NRF1: variants seen among roughly 807,000 people sequenced by gnomAD.
NRF1 encodes alpha palindromic-binding protein.
In NRF1, 5 loss-of-function variants were observed where a neutral mutation model predicts 58.5. The observed-to-expected ratio is 0.09, with a 90% CI of 0.04 to 0.18. The LOEUF is 0.18. Ranked by LOEUF, NRF1 falls within the 10% of genes least tolerant of loss-of-function variation. NRF1 has a pLI of 1.00. For synonymous variants in NRF1, 224 were observed against 246.7 expected (o/e 0.91, Z 0.86); for missense variants, 288 against 657.7 (o/e 0.44, Z 6.15).
intron 5 of NRF1, among the ~76,000 whole-genome samples, chr7:129,696,484 T>C (rs1341786140): frequency 6.6e-6 from 1 of 152,188 alleles, no homozygotes; most frequent in Non-Finnish European, 1.5e-5. Flanking sequence ...TCTTATTTTA[T>C]AGTCAAGGAA....
intron 10 of NRF1, 41 bp from the exon 11 acceptor site, chr7:129,754,977 G>C: frequency 1.3e-6 from 2 of 1,508,058 alleles, no homozygotes; most frequent in Non-Finnish European, 1.8e-6. Context: ...CTGGGAACTT[G>C]AGCCTGAGCC....
chr7:129,749,723 A>G (rs1009915698), intron 10 of NRF1, among the ~76,000 whole-genome samples: 1 of 152,044 alleles, frequency 6.6e-6, no homozygotes, highest in African/African-American at 2.4e-5. Context: ...ACATTCTAAT[A>G]TATGGAAAAA....
intron 1 of NRF1, among the ~76,000 whole-genome samples, chr7:129,618,444 C>A (rs1319528299): frequency 6.6e-6 from 1 of 152,186 alleles, no homozygotes; most frequent in East Asian, 1.9e-4. Flanking sequence ...ACCTGTAATC[C>A]TAACACTTTA....
chr7:129,678,107 G>C (rs2151086690), intron 4 of NRF1, among the ~76,000 whole-genome samples: 1 of 152,218 alleles, frequency 6.6e-6, no homozygotes, highest in East Asian at 1.9e-4. Flanking sequence ...ATTCCAAGGT[G>C]TCAACTTCCT....
intron 1 of NRF1, among the ~76,000 whole-genome samples, chr7:129,614,010 T>C (rs913277879): frequency 7.9e-5 from 12 of 152,214 alleles, no homozygotes; most frequent in African/African-American, 2.7e-4. Flanking sequence ...AAACTCGACA[T>C]ATAGGAGGGA....
chr7:129,753,124 A>ATCT (rs752318609), intron 10 of NRF1, among the ~76,000 whole-genome samples: 26 of 91,488 alleles, frequency 2.8e-4, no homozygotes, highest in Admixed American at 1.2e-3. Context: ...GGAAAAGAAA[A>ATCT]TCTTATATTT....
intron 10 of NRF1, among the ~76,000 whole-genome samples, chr7:129,742,138 T>A (rs972930319): frequency 1.3e-5 from 2 of 152,144 alleles, no homozygotes; most frequent in Non-Finnish European, 2.9e-5. Context: ...AGCAAAGGCC[T>A]GGCAAGGAGA....
At chr7:129,633,128 A>G (rs527703581) in intron 1 of NRF1, among the ~76,000 whole-genome samples, 10 of 152,296 alleles carry the variant, frequency 6.6e-5, no homozygotes, top group African/African-American at 1.7e-4. Context: ...TTGATAGTCT[A>G]TTTCTTAATA....
chr7:129,613,616 G>A (rs1191393668), intron 1 of NRF1, among the ~76,000 whole-genome samples: 2 of 151,914 alleles, frequency 1.3e-5, no homozygotes, highest in Non-Finnish European at 2.9e-5. Flanking sequence ...AACTCTTTAC[G>A]GCCGGGTGCG....
Position 129,710,504 on chromosome 7 carries a change from A to G in NRF1, c.896A>G (p.His299Arg). The stretch of plus-strand genomic sequence containing the variant: ...GCCACAGCCACACATAGTATAGCTC[A>G]TCTTGTACCATCACAGACTGTAGTC... ...TQATATHSIA[H>R]LVPSQTVVQT... Residue 299 changes from histidine to arginine, a missense_variant, in exon 7 of 11, where the codon CAT becomes CGT. Around this residue, in one of 3 missense-constraint regions of NRF1, gnomAD observed 212 missense variants for 559.7 expected, o/e 0.38. Coordinates refer to ENST00000393232, the MANE Select transcript of NRF1 (RefSeq NM_005011.5). The G allele has an allele frequency of 6.2e-7, 1 of 1,600,336 alleles. No individual in the cohort carries two copies. Among genetic ancestry groups the G allele is most frequent in the Non-Finnish European group, 8.6e-7 (1 of 1,167,510 alleles).
intron 1 of NRF1, among the ~76,000 whole-genome samples, chr7:129,639,854 C>A (rs535071896): frequency 2.0e-5 from 3 of 152,084 alleles, no homozygotes; most frequent in Non-Finnish European, 2.9e-5. Flanking sequence ...TTCCGCCCCC[C>A]CTTTTTTAAA....
At chr7:129,707,083 T>A (rs565858803) in intron 5 of NRF1, among the ~76,000 whole-genome samples, 2 of 152,288 alleles carry the variant, frequency 1.3e-5, no homozygotes, top group East Asian at 3.9e-4. Flanking sequence ...ATCCTTGACC[T>A]CCTGAGCTCA....
At chr7:129,709,831 A>G (rs1584662031) in intron 6 of NRF1, among the ~76,000 whole-genome samples, 1 of 150,998 alleles carries the variant, frequency 6.6e-6, no homozygotes, top group East Asian at 2.0e-4. Context: ...CCCGGGTTCA[A>G]GCAATTCTTC....
chr7:129,719,298 A>T (rs1261383769), intron 9 of NRF1, among the ~76,000 whole-genome samples: 1 of 152,086 alleles, frequency 6.6e-6, no homozygotes. Flanking sequence ...ACACACGGCT[A>T]AGTTTGTATT....
rs1394129676 is a variant in NRF1, at chr7:129,741,226, G to T, written c.1349-13792G>T. Among the ~76,000 whole-genome samples, 1 of 152,182 alleles carries T rather than the reference G, an allele frequency of 6.6e-6. No individual in the cohort carries two copies. Among genetic ancestry groups the T allele is most frequent in the Non-Finnish European group, 1.5e-5 (1 of 68,022 alleles). On this transcript the variant is annotated intron_variant, in intron 10 of 10. Coordinates refer to ENST00000393232, the MANE Select transcript of NRF1 (RefSeq NM_005011.5). This position sits in a 1 kb window ranked among gnomAD's most constrained non-coding sequence, Gnocchi z 4.0. ...AGGGACATTCCGAGCAGACAACTCA[G>T]GTCAGGGCTTCCGGACAGATTCCCA...
intron 1 of NRF1, among the ~76,000 whole-genome samples, chr7:129,644,717 G>A (rs556537627): frequency 6.6e-6 from 1 of 152,282 alleles, no homozygotes; most frequent in East Asian, 1.9e-4. Context: ...CATATTTTAA[G>A]CATTTGATGA....
chr7:129,722,486 C>T (rs1803351055), intron 9 of NRF1, among the ~76,000 whole-genome samples: 1 of 152,118 alleles, frequency 6.6e-6, no homozygotes, highest in Non-Finnish European at 1.5e-5. Context: ...AAATGATAGC[C>T]CTGCTTACCA....
chr7:129,632,425 T>C (rs546039147), intron 1 of NRF1, among the ~76,000 whole-genome samples: 49 of 152,298 alleles, frequency 3.2e-4, no homozygotes, highest in Admixed American at 1.2e-3. Context: ...TTTGAAATAC[T>C]TTAGGCATAA....
chr7:129,722,823 G>A lies in NRF1; in HGVS notation c.1224-4418G>A, dbSNP rs187199739. Among the ~76,000 whole-genome samples, 314 of 152,294 alleles carry A rather than the reference G, an allele frequency of 2.1e-3. 2 individuals are homozygous for A. The highest frequency in any genetic ancestry group is 3.3e-3 in the Admixed American group (50 of 15,304). On this transcript the variant is annotated intron_variant, in intron 9 of 10. Transcript: ENST00000393232. The stretch of plus-strand genomic sequence containing the variant: ...ACTCATTCTGCCAGAGTGTGTTCAG[G>A]ATGTACAGGAGTGGCAGGATGTCAT...
Sources: gnomAD v4.1 joint callset for allele counts (sites outside exome capture counted in the v4.1 genomes callset) on GRCh38, gnomAD v4.1.1 for gene constraint, gnomAD v4.1.1 regional missense constraint, Gnocchi (gnomAD v3.1) non-coding constraint, MANE v1.5 for transcripts, NCBI Gene and HGNC (gene_info 2026-07-23, HGNC 2026-07-21) for gene names.